Variants in ZNF107 observed in about 807,000 individuals in gnomAD.
ZNF107 encodes C2H2 type zinc-finger protein.
A neutral mutation model predicts 12.3 loss-of-function variants in ZNF107; 19 were observed. That is an observed-to-expected ratio of 1.55 (90% CI 1.08 to 2.27). The LOEUF is 2.27. Ranked by LOEUF, ZNF107 falls within the 30% of genes most tolerant of loss-of-function variation. The pLI, the probability that ZNF107 is intolerant of heterozygous loss-of-function variation, is 0.00. For missense variants in ZNF107, 958 were observed against 979.9 expected (o/e 0.98, Z 0.30); for synonymous variants, 317 against 330.5 (o/e 0.96, Z 0.44).
chr7:64,676,927 T>A (rs1789433416), intron 1 of ZNF107, among the ~76,000 whole-genome samples: 1 of 151,258 alleles, frequency 6.6e-6, no homozygotes, highest in African/African-American at 2.4e-5. Context: ...CATCTTATGT[T>A]AAAAAAAATG....
chr7:64,683,718 T>C (rs73136786), intron 1 of ZNF107, among the ~76,000 whole-genome samples: 52,857 of 152,008 alleles, frequency 0.35, 9,699 homozygotes, highest in Non-Finnish European at 0.4. Context: ...AATCACTTCT[T>C]AATGTTCTGT....
intron 3 of ZNF107, among the ~76,000 whole-genome samples, chr7:64,705,316 C>G (rs1240869846): frequency 6.6e-6 from 1 of 151,024 alleles, no homozygotes; most frequent in African/African-American, 2.4e-5. Flanking sequence ...GCATTTTTAC[C>G]TCCACAATTT....
chr7:64,707,617 A>ACT lies in ZNF107; in HGVS notation c.1520_1521insCT (p.Lys507AsnfsTer80), dbSNP rs1379503748. ...CATAAGAAAATTCATACTGGAGAGA[A>ACT]ACCCTACAAATGTGAAGAATGTGAC... On this transcript the variant is annotated frameshift_variant, in exon 4 of 4. Transcript: ENST00000620827. LOFTEE classifies it low-confidence loss of function (END_TRUNC). The ACT allele has an allele frequency of 6.2e-7, 1 of 1,613,018 alleles. No homozygotes were observed. The highest frequency in any genetic ancestry group is 8.5e-7 in the Non-Finnish European group (1 of 1,179,654).
At chr7:64,686,739 T>C (rs1584476552) in intron 1 of ZNF107, 1 of 879,138 alleles carries the variant, frequency 1.1e-6, no homozygotes, top group African/African-American at 1.8e-5. Context: ...GATCAACTTC[T>C]TGAGTCAACA....
intron 1 of ZNF107, among the ~76,000 whole-genome samples, chr7:64,676,574 C>T (rs1789421026): frequency 6.6e-6 from 1 of 152,142 alleles, no homozygotes; most frequent in South Asian, 2.1e-4. Context: ...AATCTTGGGA[C>T]TCCAAACTCA....
At chr7:64,680,220 C>T (rs1051034969) in intron 1 of ZNF107, among the ~76,000 whole-genome samples, 4 of 152,156 alleles carry the variant, frequency 2.6e-5, no homozygotes, top group African/African-American at 9.7e-5. Context: ...GTTCATGTTT[C>T]TTTCTCCCTG....
chr7:64,677,911 G>A (rs1054994955), intron 1 of ZNF107, among the ~76,000 whole-genome samples: 2 of 149,778 alleles, frequency 1.3e-5, no homozygotes, highest in Admixed American at 1.3e-4. Context: ...CCAGAGACCT[G>A]TCTGTTGTAG....
intron 3 of ZNF107, among the ~76,000 whole-genome samples, chr7:64,696,819 ATTTT>A (rs1242123357): frequency 1.3e-5 from 2 of 151,706 alleles, no homozygotes; most frequent in African/African-American, 4.8e-5. Flanking sequence ...TTATTTATTT[ATTTT>A]TTATTTTTTA....
chr7:64,687,585 T>C, intron 1 of ZNF107: 1 of 984,526 alleles, frequency 1.0e-6, no homozygotes, highest in Non-Finnish European at 1.2e-6. Context: ...AAAATTACCT[T>C]TTGTCATGAA....
intron 1 of ZNF107, among the ~76,000 whole-genome samples, chr7:64,673,450 A>G (rs1789309812): frequency 6.6e-6 from 1 of 152,102 alleles, no homozygotes. Context: ...TTTTCTTACA[A>G]ATTTGTTTGT....
rs1789882943 is a variant in ZNF107 at position 64,685,783 on chromosome 7, A to C, written c.4-5465A>C. On this transcript the variant is annotated intron_variant, in intron 1 of 3. Transcript: ENST00000620827. ...TGGAACTTCAACCTATGTCTGCCTC[A>C]CCACTAACTGGACAAGCACCTGTAC... Among the ~76,000 whole-genome samples, 3 of 152,118 alleles carry C rather than the reference A, an allele frequency of 2.0e-5. No individual in the cohort carries two copies. In the South Asian group the frequency reaches 6.2e-4, roughly 31 times the overall value.
chr7:64,673,530 G>T (rs924744911), intron 1 of ZNF107, among the ~76,000 whole-genome samples: 2 of 152,098 alleles, frequency 1.3e-5, no homozygotes, highest in Non-Finnish European at 2.9e-5. Flanking sequence ...TTATTCTGTA[G>T]TTTGTCTGTT....
chr7:64,694,884 A>G (rs564136799), intron 3 of ZNF107, among the ~76,000 whole-genome samples: 2 of 152,328 alleles, frequency 1.3e-5, no homozygotes, highest in South Asian at 4.1e-4. Context: ...AATAAATTAG[A>G]TAATTAGTAG....
In ZNF107 at chr7:64,708,825, TA is replaced by T. The variant is rs1790791870; in HGVS notation, c.*171del. 2.8e-6 allele frequency: 2 copies of T among 716,314 alleles called. No homozygotes were observed. The highest frequency in any genetic ancestry group is 4.5e-6 in the Non-Finnish European group (2 of 441,414). 44.4% of individuals were successfully genotyped at this position (716,314 alleles called of 1,614,324 possible). On this transcript the variant is annotated 3_prime_UTR_variant, in exon 4 of 4. Transcript: ENST00000620827. ...TAAAGAATGTGGCACAGCTTTTAAC[TA>T]ATCTTCAAACCTTACTGAAAGTTGA...
rs191305322 is a variant in ZNF107 at position 64,691,331 on chromosome 7, T to C, written c.87T>C (p.Tyr29=). 1.3e-6 allele frequency: 2 copies of C among 1,535,348 alleles called. No homozygotes were observed. Among genetic ancestry groups the C allele is most frequent in the East Asian group, 4.9e-5 (2 of 41,094 alleles). ...QCLDTAQRDL[Y]RNVLLENYRN... Reference sequence around the variant, plus strand: ...TGGATACTGCACAGCGGGATTTATATAGGAATGTGTTGTTAGAGAACTACA... The same window carrying C: ...TGGATACTGCACAGCGGGATTTATACAGGAATGTGTTGTTAGAGAACTACA... The change falls in exon 2 of 4, where the codon TAT becomes TAC. Residue 29 remains tyrosine, a synonymous_variant. Coordinates refer to ENST00000620827, the MANE Select transcript of ZNF107 (RefSeq NM_001282359.2).
At chr7:64,705,401 TTCAC>T (rs1790605937) in intron 3 of ZNF107, among the ~76,000 whole-genome samples, 1 of 152,136 alleles carries the variant, frequency 6.6e-6, no homozygotes, top group South Asian at 2.1e-4. Context: ...TGTGTTCCTA[TTCAC>T]TCATGGAGTG....
intron 3 of ZNF107, among the ~76,000 whole-genome samples, chr7:64,699,245 A>G (rs1158234454): frequency 6.6e-6 from 1 of 152,184 alleles, no homozygotes; most frequent in African/African-American, 2.4e-5. Context: ...TGTATGTTAT[A>G]TTGACATCTT....
In ZNF107 at chr7:64,708,890, A is replaced by G. The variant is rs1221085658; in HGVS notation, c.*234A>G. 3 of 597,052 alleles carry G rather than the reference A, an allele frequency of 5.0e-6. No individual in the cohort carries two copies. In the East Asian group the frequency reaches 8.6e-5, roughly 17 times the overall value. The allele number at this position is 597,052 out of a possible 1,614,324, so 37.0% of individuals were successfully genotyped here. Reference sequence around the variant, plus strand: ...GGAGAGAATCCTACAAATGTGAAAAATGTGGCAAATCCTTTAACTGATCCT... The same window carrying G: ...GGAGAGAATCCTACAAATGTGAAAAGTGTGGCAAATCCTTTAACTGATCCT... On this transcript the variant is annotated 3_prime_UTR_variant, in exon 4 of 4. Transcript: ENST00000620827.
Position 64,708,997 on chromosome 7 carries a change from C to A in ZNF107, c.*341C>A. The A allele has an allele frequency of 2.2e-6, 1 of 455,086 alleles. No homozygotes were observed. Among genetic ancestry groups the A allele is most frequent in the South Asian group, 2.0e-5 (1 of 49,894 alleles). 28.2% of individuals were successfully genotyped at this position (455,086 alleles called of 1,614,324 possible). On this transcript the variant is annotated 3_prime_UTR_variant, in exon 4 of 4. Coordinates refer to ENST00000620827, the MANE Select transcript of ZNF107 (RefSeq NM_001282359.2). ...GAATGTGGCAATGCCTTTAATCAGT[C>A]CTCACACCTTTCTACACATAAGATA...
Sources: allele counts gnomAD v4.1 joint callset (sites outside exome capture counted in the v4.1 genomes callset), GRCh38; gene constraint gnomAD v4.1.1; transcripts MANE v1.5; gene names NCBI Gene and HGNC (gene_info 2026-07-23, HGNC 2026-07-21).